Variants in UBTD1 observed in about 807,000 individuals in gnomAD.
UBTD1 encodes ubiquitin domain-containing protein 1.
A neutral mutation model predicts 21.7 loss-of-function variants in UBTD1; 19 were observed. The ratio of observed to expected loss-of-function variants is 0.87; its 90% CI spans 0.61 to 1.28. UBTD1 has a LOEUF of 1.28. Among genes scored for constraint, UBTD1 ranks in the 50% most tolerant of loss-of-function variants. The probability of loss-of-function intolerance (pLI) is 0.00; values close to 1 mark genes in which losing one functional copy is unlikely to be tolerated. For missense variants in UBTD1, 282 were observed against 315.1 expected (o/e 0.89, Z 0.80); for synonymous variants, 116 against 135.1 (o/e 0.86, Z 0.98).
chr10:97,514,514 T>C (rs1024597980), intron 1 of UBTD1, among the ~76,000 whole-genome samples: 1 of 152,122 alleles, frequency 6.6e-6, no homozygotes, highest in Non-Finnish European at 1.5e-5. Flanking sequence ...AGAAACTATA[T>C]ATAGCGGAGG....
At chr10:97,565,145 C>T (rs1262089141) in intron 1 of UBTD1, among the ~76,000 whole-genome samples, 1 of 152,182 alleles carries the variant, frequency 6.6e-6, no homozygotes, top group Non-Finnish European at 1.5e-5. Context: ...CAAGTCATGG[C>T]CCTCACATTT....
At chr10:97,555,845 G>A (rs373992825) in intron 1 of UBTD1, among the ~76,000 whole-genome samples, 12 of 152,336 alleles carry the variant, frequency 7.9e-5, no homozygotes, top group East Asian at 7.7e-4. Context: ...GCGCTGGGCT[G>A]CCTGTCTTTG....
chr10:97,536,203 G>A (rs960059018), intron 1 of UBTD1, among the ~76,000 whole-genome samples: 11 of 152,140 alleles, frequency 7.2e-5, no homozygotes, highest in African/African-American at 2.7e-4. Context: ...TGTTGGTCAG[G>A]CTTGTCTCGA....
rs1383362216 is a variant in UBTD1, at chr10:97,559,904, T to TA, written c.71-8005dup. ...AATTTTTTTAATCTTTTAATGTAGA[T>TA]AAAAATCCACATTTTTATGCCCCTT... is the stretch of plus-strand genomic sequence containing the variant. On this transcript the variant is annotated intron_variant, in intron 1 of 2. Coordinates refer to ENST00000370664, the MANE Select transcript of UBTD1 (RefSeq NM_024954.5). Among the ~76,000 whole-genome samples, 15 of 152,324 alleles carry TA rather than the reference T, an allele frequency of 9.8e-5. No homozygotes were observed. In the East Asian group the frequency reaches 2.9e-3, roughly 29 times the overall value.
At chr10:97,552,131 G>A (rs2040640547) in intron 1 of UBTD1, among the ~76,000 whole-genome samples, 1 of 151,860 alleles carries the variant, frequency 6.6e-6, no homozygotes. Context: ...GGAGGCAGAA[G>A]AAGGAGGATC....
At chr10:97,523,891 C>T (rs555460355) in intron 1 of UBTD1, among the ~76,000 whole-genome samples, 1 of 152,144 alleles carries the variant, frequency 6.6e-6, no homozygotes, top group South Asian at 2.1e-4. Context: ...CAGCTGGAGC[C>T]AGTGAGATGA....
intron 1 of UBTD1, among the ~76,000 whole-genome samples, chr10:97,507,774 CAAAAAAAAAAAAAAA>C (rs61128714): frequency 1.3e-4 from 8 of 59,542 alleles, no homozygotes; most frequent in Non-Finnish European, 2.5e-4. Flanking sequence ...GACTCCGTCT[CAAAAAAAAAAAAAAA>C]AAAAAAAAAA....
At chr10:97,543,916 G>A (rs1437938169) in intron 1 of UBTD1, among the ~76,000 whole-genome samples, 1 of 152,114 alleles carries the variant, frequency 6.6e-6, no homozygotes, top group Non-Finnish European at 1.5e-5. Flanking sequence ...GGAGCCCGGT[G>A]GGGCCTGGTG....
chr10:97,527,658 C>T (rs992403575), intron 1 of UBTD1, among the ~76,000 whole-genome samples: 2 of 151,890 alleles, frequency 1.3e-5, no homozygotes, highest in Non-Finnish European at 2.9e-5. Context: ...TGACTCTTAA[C>T]GAGCATGCTG....
At chr10:97,540,978 G>T (rs961364370) in intron 1 of UBTD1, among the ~76,000 whole-genome samples, 1 of 152,190 alleles carries the variant, frequency 6.6e-6, no homozygotes, top group Admixed American at 6.5e-5. Context: ...TGTCAGCTGC[G>T]TGTGTGTCCA....
chr10:97,503,046 A>G (rs2040383949), intron 1 of UBTD1, among the ~76,000 whole-genome samples: 1 of 151,732 alleles, frequency 6.6e-6, no homozygotes, highest in South Asian at 2.1e-4. Context: ...TCTTCCCAGT[A>G]GCTAGGGCTA....
intron 1 of UBTD1, among the ~76,000 whole-genome samples, chr10:97,529,803 TC>T (rs965411739): frequency 5.9e-5 from 9 of 152,172 alleles, no homozygotes; most frequent in African/African-American, 1.9e-4. Context: ...CTGGGACTGA[TC>T]TGCCCTTCTT....
At chr10:97,528,075 G>A (rs1314233173) in intron 1 of UBTD1, among the ~76,000 whole-genome samples, 3 of 137,606 alleles carry the variant, frequency 2.2e-5, no homozygotes, top group Non-Finnish European at 1.6e-5. Flanking sequence ...CTGGGCGGGG[G>A]GCTGACTCCC....
intron 1 of UBTD1, among the ~76,000 whole-genome samples, chr10:97,505,573 A>C (rs1225726411): frequency 6.6e-6 from 1 of 152,254 alleles, no homozygotes; most frequent in African/African-American, 2.4e-5. Context: ...TCATGGCTAC[A>C]CAGTGTGCTC....
chr10:97,541,502 T>C (rs1339064495), intron 1 of UBTD1, among the ~76,000 whole-genome samples: 2 of 152,104 alleles, frequency 1.3e-5, no homozygotes, highest in Admixed American at 1.3e-4. Flanking sequence ...AAACTCCTTA[T>C]AATCATAAAA....
chr10:97,532,616 C>A (rs556811800), intron 1 of UBTD1, among the ~76,000 whole-genome samples: 1 of 152,258 alleles, frequency 6.6e-6, no homozygotes, highest in East Asian at 1.9e-4. Context: ...ATGGTGAAAC[C>A]CCGTCTCTAT....
chr10:97,550,027 A>G lies in UBTD1; in HGVS notation c.71-17887A>G, dbSNP rs578074216. On this transcript the variant is annotated intron_variant, in intron 1 of 2. Coordinates refer to ENST00000370664, the MANE Select transcript of UBTD1 (RefSeq NM_024954.5). ...TCAGACTACCTGTGTTTCAGCTGTGACTGCTGGGGTGGGAGGAGAGAAACA... is the reference window on the plus strand; with the variant it reads ...TCAGACTACCTGTGTTTCAGCTGTGGCTGCTGGGGTGGGAGGAGAGAAACA... Among the ~76,000 whole-genome samples, 6 of 152,226 alleles carry G rather than the reference A, an allele frequency of 3.9e-5. No individual in the cohort carries two copies. The South Asian group carries it at 1.2e-3, about 32-fold the overall frequency.
At chr10:97,524,283 A>AT (rs1175668230) in intron 1 of UBTD1, among the ~76,000 whole-genome samples, 4 of 134,810 alleles carry the variant, frequency 3.0e-5, no homozygotes, top group African/African-American at 8.9e-5. Context: ...TTTTGTAGGG[A>AT]TGCGGGGGGG....
intron 1 of UBTD1, among the ~76,000 whole-genome samples, chr10:97,528,291 C>T (rs1308925598): frequency 3.7e-5 from 5 of 134,684 alleles, no homozygotes; most frequent in African/African-American, 5.7e-5. Context: ...GGCGGCTGGC[C>T]GGGCAGGGGG....
Sources: allele counts gnomAD v4.1 joint callset (sites outside exome capture counted in the v4.1 genomes callset), GRCh38; gene constraint gnomAD v4.1.1; transcripts MANE v1.5; gene names NCBI Gene and HGNC (gene_info 2026-07-23, HGNC 2026-07-21).